The following COL10A1 variants were observed in gnomAD, a reference collection of about 807,000 sequenced individuals.
The protein encoded by COL10A1 is collagen alpha-1(X) chain.
In COL10A1, 10 loss-of-function variants were observed where a neutral mutation model predicts 18.2. That is an observed-to-expected ratio of 0.55 (90% CI 0.34 to 0.93). The LOEUF (loss-of-function observed/expected upper bound fraction) is 0.93. Among genes scored for constraint, COL10A1 ranks in the 40% least tolerant of loss-of-function variants. The pLI is 0.02. For missense variants in COL10A1, 897 were observed against 853.5 expected (o/e 1.05, Z -0.64); for synonymous variants, 330 against 316.6 (o/e 1.04, Z -0.45).
chr6:116,158,142 C>T (rs1003576272), intron 1 of COL10A1, among the ~76,000 whole-genome samples: 1 of 152,148 alleles, frequency 6.6e-6, no homozygotes, highest in African/African-American at 2.4e-5. Flanking sequence ...GTTCAAATTA[C>T]TACAGTTTTT....
upstream of COL10A1, among the ~76,000 whole-genome samples, chr6:116,127,459 A>C (rs1779348726): frequency 6.6e-6 from 1 of 152,140 alleles, no homozygotes; most frequent in South Asian, 2.1e-4. Context: ...TATGTTTCTT[A>C]TAGCAGTTTA....
At position 116,120,671 on chromosome 6, in the gene COL10A1, G is replaced by A; in HGVS notation, c.1445C>T (p.Thr482Ile). Residue 482 changes from threonine (T) to isoleucine (I), a missense_variant, in exon 3 of 3, where the codon ACT becomes ATT. Thr to Ile is a moderately conservative substitution (Grantham distance 89, BLOSUM62 -1). Transcript: ENST00000651968. ...CCCGGTGGGTCCATTGAGGCCCTTAGTTGCTATGCCAGCTGGGCCAGGAGG... is the reference window on the plus strand; with the variant it reads ...CCCGGTGGGTCCATTGAGGCCCTTAATTGCTATGCCAGCTGGGCCAGGAGG... ...PGPPGPAGIA[T>I]KGLNGPTGPP... The A allele has an allele frequency of 1.9e-6, 3 of 1,546,546 alleles. No individual in the cohort carries two copies. The South Asian group carries it at 3.8e-5, about 20-fold the overall frequency.
chr6:116,131,891 A>G (rs936837077), intron 1 of COL10A1, among the ~76,000 whole-genome samples: 5 of 152,056 alleles, frequency 3.3e-5, no homozygotes, highest in Admixed American at 2.6e-4. Context: ...GTTTCTTATC[A>G]TTTAGCTCCT....
At chr6:116,161,773 G>A (rs1362831667), upstream of COL10A1, among the ~76,000 whole-genome samples, 1 of 152,070 alleles carries the variant, frequency 6.6e-6, no homozygotes, top group Non-Finnish European at 1.5e-5. Context: ...ATATAACATT[G>A]GTAATTTGAT....
In COL10A1 at chr6:116,121,868, G is replaced by C; in HGVS notation, c.248C>G (p.Pro83Arg). ...HPGPSGPPGKPGYGSPGLQGE... is the reference protein window; with the variant it reads ...HPGPSGPPGKRGYGSPGLQGE... ...TTGGAGTCCAGGACTTCCGTAGCCT[G>C]GTTTTCCTGGTGGTCCAGAAGGACC... The change falls in exon 3 of 3, where the codon CCA becomes CGA. Residue 83 changes from proline to arginine, a missense_variant. Physicochemically the swap from Pro to Arg is moderately radical, Grantham distance 103 (BLOSUM62 -2). Coordinates refer to ENST00000651968, the MANE Select transcript of COL10A1 (RefSeq NM_000493.4). 2 of 1,614,000 alleles carry C rather than the reference G, an allele frequency of 1.2e-6. No homozygotes were observed. The highest frequency in any genetic ancestry group is 1.7e-6 in the Non-Finnish European group (2 of 1,180,000).
At chr6:116,129,547 T>C (rs1275340103), upstream of COL10A1, among the ~76,000 whole-genome samples, 1 of 152,208 alleles carries the variant, frequency 6.6e-6, no homozygotes, top group African/African-American at 2.4e-5. Flanking sequence ...TTTGCTCTCT[T>C]GCACACTTTT....
At chr6:116,153,414 G>A (rs1189590922) in intron 1 of COL10A1, among the ~76,000 whole-genome samples, 2 of 152,094 alleles carry the variant, frequency 1.3e-5, no homozygotes, top group Admixed American at 1.3e-4. Context: ...GATACATTCA[G>A]TTATCTTTAA....
upstream of COL10A1, among the ~76,000 whole-genome samples, chr6:116,162,658 C>G (rs1780362482): frequency 6.6e-6 from 1 of 152,080 alleles, no homozygotes; most frequent in Non-Finnish European, 1.5e-5. Context: ...TTTTGATGTG[C>G]TGTTGGATTC....
At chr6:116,139,751 G>A in intron 1 of COL10A1, among the ~76,000 whole-genome samples, 1 of 152,064 alleles carries the variant, frequency 6.6e-6, no homozygotes, top group East Asian at 1.9e-4. Flanking sequence ...ATAGGAATTT[G>A]ACAGTTTTTT....
At chr6:116,210,605 A>G in the COL10A1 span, among the ~76,000 whole-genome samples, 47 of 152,122 alleles carry the variant, frequency 3.1e-4, no homozygotes, top group African/African-American at 1.1e-3. Flanking sequence ...TATGAGGATT[A>G]AATCCATTAA....
the COL10A1 span, among the ~76,000 whole-genome samples, chr6:116,193,078 A>C: frequency 1.3e-5 from 2 of 152,102 alleles, no homozygotes; most frequent in African/African-American, 4.8e-5. Flanking sequence ...TCCGTGCCTT[A>C]CAGACTCTCA....
intron 1 of COL10A1, among the ~76,000 whole-genome samples, chr6:116,148,030 T>C (rs1779943519): frequency 6.6e-6 from 1 of 151,626 alleles, no homozygotes; most frequent in African/African-American, 2.4e-5. Context: ...TGTTGTGGAC[T>C]ATGAAAAGAC....
upstream of COL10A1, among the ~76,000 whole-genome samples, chr6:116,127,136 A>G (rs1779337904): frequency 1.3e-5 from 2 of 152,210 alleles, no homozygotes; most frequent in African/African-American, 4.8e-5. Flanking sequence ...ATACACAGGC[A>G]TAGACACATC....
the COL10A1 span, among the ~76,000 whole-genome samples, chr6:116,190,440 G>A: frequency 6.6e-6 from 1 of 151,970 alleles, no homozygotes; most frequent in Non-Finnish European, 1.5e-5. Flanking sequence ...TTGGATGAGG[G>A]ATGAGAGGTG....
chr6:116,210,112 A>G, the COL10A1 span, among the ~76,000 whole-genome samples: 2 of 151,616 alleles, frequency 1.3e-5, no homozygotes, highest in African/African-American at 4.8e-5. Flanking sequence ...AATTCTAGAT[A>G]TAATTAGAAT....
chr6:116,178,826 T>A, the COL10A1 span, among the ~76,000 whole-genome samples: 7 of 152,162 alleles, frequency 4.6e-5, no homozygotes, highest in Non-Finnish European at 8.8e-5. Context: ...AGCCCCCAAC[T>A]CCCAGTAAAT....
Position 116,121,383 on chromosome 6 carries a change from G to T in COL10A1, c.733C>A (p.Pro245Thr), listed in dbSNP as rs555747394. The T allele has an allele frequency of 6.2e-7, 1 of 1,614,088 alleles. No homozygotes were observed. Among genetic ancestry groups the T allele is most frequent in the South Asian group, 1.1e-5 (1 of 91,082 alleles). ...CCTTGGGGACCTGGTGGGCCAATTGGTCCCATTTCTCCCGGAAAACCTCTA... is the reference window on the plus strand; with the variant it reads ...CCTTGGGGACCTGGTGGGCCAATTGTTCCCATTTCTCCCGGAAAACCTCTA... ...GDRGFPGEMG[P>T]IGPPGPQGPP... Residue 245 changes from proline to threonine, a missense_variant, in exon 3 of 3, where the codon CCA becomes ACA. Transcript: ENST00000651968.
chr6:116,121,258 A>G lies in COL10A1; in HGVS notation c.858T>C (p.Ala286=), dbSNP rs990240424. Residue 286 remains alanine, a synonymous_variant, in exon 3 of 3, where the codon GCT becomes GCC. Transcript: ENST00000651968. ...GIPGTKGLPG[A]PGIAGPPGPP... is the part of the protein sequence containing the mutation. ...GCCCTGGGGGCCCAGCTATTCCTGGAGCCCCAGGGAGACCTTTTGTTCCTG... is the reference window on the plus strand; with the variant it reads ...GCCCTGGGGGCCCAGCTATTCCTGGGGCCCCAGGGAGACCTTTTGTTCCTG... 3.7e-6 allele frequency: 6 copies of G among 1,613,824 alleles called. No homozygotes were observed. Among genetic ancestry groups the G allele is most frequent in the Non-Finnish European group, 5.1e-6 (6 of 1,179,916 alleles).
upstream of COL10A1, among the ~76,000 whole-genome samples, chr6:116,126,413 G>A (rs999122977): frequency 6.6e-5 from 10 of 152,060 alleles, no homozygotes; most frequent in Non-Finnish European, 1.3e-4. Flanking sequence ...GCTGGTTCAC[G>A]GTGGAATGAT....
Sources: gnomAD v4.1 joint callset for allele counts (sites outside exome capture counted in the v4.1 genomes callset) on GRCh38, gnomAD v4.1.1 for gene constraint, MANE v1.5 for transcripts, NCBI Gene and HGNC (gene_info 2026-07-23, HGNC 2026-07-21) for gene names.